Variants in CRIPTO3 observed in about 807,000 individuals in gnomAD.
CRIPTO3 encodes the protein protein CRIPTO3.
At chrX:110,521,234 A>G in the CRIPTO3 span, 5 of 1,162,901 alleles carry the variant, frequency 4.3e-6, no homozygotes, top group Non-Finnish European at 5.9e-6. Flanking sequence ...GCCATCAGGA[A>G]TTTGCTCGTC....
chrX:110,521,013 T>C, the CRIPTO3 span: 1 of 696,619 alleles, frequency 1.4e-6, no homozygotes, highest in Non-Finnish European at 2.3e-6. Flanking sequence ...ATTTCTCATT[T>C]TCTTCTTAAA....
chrX:110,522,162 A>G, the CRIPTO3 span: 1 of 248,385 alleles, frequency 4.0e-6, no homozygotes, highest in African/African-American at 2.8e-5. Flanking sequence ...GTTTCACCAT[A>G]TTGGCCAGCC....
chrX:110,521,276 C>T, the CRIPTO3 span: 1 of 1,188,993 alleles, frequency 8.4e-7, no homozygotes, highest in African/African-American at 1.8e-5. Flanking sequence ...TCAGAGATGA[C>T]AGCATTTGGC....
the CRIPTO3 span, chrX:110,523,017 A>G: frequency 1.8e-5 from 2 of 110,986 alleles, no homozygotes; most frequent in Non-Finnish European, 3.8e-5. Flanking sequence ...CACCATCAAA[A>G]TAGCCATAGA....
the CRIPTO3 span, chrX:110,521,703 T>C: frequency 1.5e-5 from 18 of 1,166,533 alleles, no homozygotes; most frequent in Non-Finnish European, 2.0e-5. Flanking sequence ...TTAATCGACA[T>C]TGACCTATTT....
At chrX:110,520,956 C>T in the CRIPTO3 span, 2 of 505,448 alleles carry the variant, frequency 4.0e-6, no homozygotes. Flanking sequence ...CCAGTTTCCC[C>T]TGGACACCTT....
chrX:110,521,103 C>T, the CRIPTO3 span: 16 of 1,135,081 alleles, frequency 1.4e-5, no homozygotes, highest in Non-Finnish European at 1.8e-5. Context: ...ATGCTAACGC[C>T]TCTTTTCCCC....
At chrX:110,521,589 A>G in the CRIPTO3 span, 1 of 1,211,900 alleles carries the variant, frequency 8.3e-7, no homozygotes, top group Non-Finnish European at 1.1e-6. Context: ...TGGCCTTGTG[A>G]TGGATGAGCA....
chrX:110,521,546 C>T, the CRIPTO3 span: 1 of 1,212,027 alleles, frequency 8.3e-7, no homozygotes, highest in Non-Finnish European at 1.1e-6. Flanking sequence ...GTCAGCTCCG[C>T]TGCTTTCCTC....
chrX:110,522,094 T>C, the CRIPTO3 span: 1 of 344,302 alleles, frequency 2.9e-6, no homozygotes, highest in African/African-American at 2.7e-5. Flanking sequence ...TAGCTGGGAT[T>C]ACAGGCATGT....
chrX:110,521,721 T>C, the CRIPTO3 span: 56 of 1,135,621 alleles, frequency 4.9e-5, no homozygotes, highest in Non-Finnish European at 6.3e-5. Flanking sequence ...TTTCCAGAAA[T>C]ACAATTTTAG....
At chrX:110,523,009 C>T in the CRIPTO3 span, 2 of 109,993 alleles carry the variant, frequency 1.8e-5, no homozygotes, top group Non-Finnish European at 3.8e-5. Flanking sequence ...TCTTTTATCA[C>T]CATCAAAATA....
chrX:110,521,767 G>C, the CRIPTO3 span: 16 of 851,223 alleles, frequency 1.9e-5, no homozygotes, highest in Admixed American at 2.6e-4. Context: ...AAAGGCTGCT[G>C]CTACAATGTC....
the CRIPTO3 span, chrX:110,522,652 C>G: frequency 9.0e-6 from 1 of 111,257 alleles, no homozygotes; most frequent in Non-Finnish European, 1.9e-5. Context: ...CAAGGACTCC[C>G]CTTTTTTTCC....
chrX:110,521,210 A>T, the CRIPTO3 span: 1 of 1,131,465 alleles, frequency 8.8e-7, no homozygotes, highest in African/African-American at 1.8e-5. Flanking sequence ...AACTGGGATT[A>T]GTTGCCGGGC....
At chrX:110,521,553 C>T in the CRIPTO3 span, 6 of 1,212,075 alleles carry the variant, frequency 5.0e-6, no homozygotes, top group South Asian at 1.1e-4. Flanking sequence ...CCGCTGCTTT[C>T]CTCAGGCATT....
chrX:110,521,488 A>G, the CRIPTO3 span: 39 of 1,210,925 alleles, frequency 3.2e-5, no homozygotes, highest in Non-Finnish European at 4.2e-5. Flanking sequence ...TCTGTGCCCC[A>G]TGACACCTGG....
the CRIPTO3 span, chrX:110,522,921 A>AAG: frequency 6.4e-5 from 7 of 109,187 alleles, no homozygotes; most frequent in African/African-American, 1.7e-4. Flanking sequence ...AAAAAAAAAA[A>AAG]AAAAGAAAAC....
chrX:110,521,802 AG>A, the CRIPTO3 span: 1 of 686,920 alleles, frequency 1.5e-6, no homozygotes, highest in African/African-American at 2.1e-5. Context: ...ATCATTTGTT[AG>A]TTGCCTTAAA....
Sources: gnomAD v4.1 joint callset for allele counts on GRCh38, gnomAD v4.1.1 for gene constraint, MANE v1.5 for transcripts, NCBI Gene and HGNC (gene_info 2026-07-23, HGNC 2026-07-21) for gene names.